The following ADSS2 variants were observed in gnomAD, a reference collection of about 807,000 sequenced individuals.
ADSS2 encodes adenylosuccinate synthase 2, also known as adenylosuccinate synthetase isozyme 2.
Under a neutral mutation model 60.0 loss-of-function variants are expected in ADSS2, and 30 were observed. That is an observed-to-expected ratio of 0.50 (90% CI 0.37 to 0.68). The LOEUF is 0.68. Among genes scored for constraint, ADSS2 ranks in the 30% least tolerant of loss-of-function variants. ADSS2 has a pLI of 0.00. For missense variants in ADSS2, 373 were observed against 554.8 expected (o/e 0.67, Z 3.29); for synonymous variants, 187 against 193.1 (o/e 0.97, Z 0.26).
intron 1 of ADSS2, among the ~76,000 whole-genome samples, chr1:244,438,785 T>C (rs1162958026): frequency 6.6e-6 from 1 of 152,214 alleles, no homozygotes; most frequent in Non-Finnish European, 1.5e-5. Context: ...TGCCACGTAG[T>C]ATTACATACA....
Position 244,420,282 on chromosome 1 carries a change from C to T in ADSS2, c.678G>A (p.Lys226=), listed in dbSNP as rs566693557. 8.1e-6 allele frequency: 13 copies of T among 1,612,822 alleles called. No homozygotes were observed. The East Asian group carries it at 8.9e-5, about 11-fold the overall frequency. Residue 226 remains lysine (K), a synonymous_variant, in exon 8 of 13, where the codon AAG becomes AAA. Coordinates refer to ENST00000366535, the MANE Select transcript of ADSS2 (RefSeq NM_001126.5). ...CTCCATCTCTCACCATTGGTTTAATCTTTTCCATATAACCCTATACACAAA... is the reference window on the plus strand; with the variant it reads ...CTCCATCTCTCACCATTGGTTTAATTTTTTCCATATAACCCTATACACAAA... ...ELQKLKGYME[K]IKPMVRDGVY...
Position 244,410,129 on chromosome 1 carries a change from C to A in ADSS2, c.1319-491G>T, listed in dbSNP as rs187586260. On this transcript the variant is annotated intron_variant, in intron 12 of 12. Coordinates refer to ENST00000366535, the MANE Select transcript of ADSS2 (RefSeq NM_001126.5). The stretch of plus-strand genomic sequence containing the variant: ...ATAAGGTACTGTTAGGATCAACCTT[C>A]GTGGTATTTTACAGATTTTTGTTAG... Among the ~76,000 whole-genome samples, 101 of 152,256 alleles carry A rather than the reference C, an allele frequency of 6.6e-4. 1 individual carries two copies. Among genetic ancestry groups the A allele is most frequent in the African/African-American group, 2.3e-3 (97 of 41,556 alleles).
chr1:244,417,851 A>G, intron 9 of ADSS2, 99 bp from the exon 10 acceptor site: 2 of 1,165,674 alleles, frequency 1.7e-6, no homozygotes, highest in East Asian at 5.0e-5. Flanking sequence ...TCTTTGAGAT[A>G]AACATCTTTC....
rs1181918891 is a variant in ADSS2, at chr1:244,437,607, TA to T, written c.286+58del. On this transcript the variant is annotated intron_variant, in intron 2 of 12. Coordinates refer to ENST00000366535, the MANE Select transcript of ADSS2 (RefSeq NM_001126.5). ...TGAAAACAGTTTTGACAATAAAAAA[TA>T]AACGCCATTATCAACTGGTGGGGGG... is the stretch of plus-strand genomic sequence containing the variant. 2.5e-6 allele frequency: 3 copies of T among 1,202,056 alleles called. No homozygotes were observed. The African/African-American group carries it at 4.5e-5, about 18-fold the overall frequency. The allele number at this position is 1,202,056 out of a possible 1,614,324, so 74.5% of individuals were successfully genotyped here. A position where few individuals can be genotyped will look rare whatever the true frequency, so the allele number is the denominator to read the frequency against.
chr1:244,414,685 T>C lies in ADSS2; in HGVS notation c.1168+1296A>G, dbSNP rs555275951. 2.6e-5 allele frequency among the ~76,000 whole-genome samples: 4 copies of C among 152,346 alleles called. No individual in the cohort carries two copies. The Middle Eastern group carries it at 0.01, about 389-fold the overall frequency. On this transcript the variant is annotated intron_variant, in intron 11 of 12. Transcript: ENST00000366535. ...TACAGGAGCTATTCCCAGAAGGCTG[T>C]CAACTTATTTTACCCTCTTTAAGCA...
At chr1:244,444,630 A>G (rs1665341516) in intron 1 of ADSS2, among the ~76,000 whole-genome samples, 1 of 151,884 alleles carries the variant, frequency 6.6e-6, no homozygotes. Context: ...GAACATCATG[A>G]TAGAAACAAA....
chr1:244,448,406 A>G (rs1665446413), intron 1 of ADSS2, among the ~76,000 whole-genome samples: 1 of 152,212 alleles, frequency 6.6e-6, no homozygotes, highest in Non-Finnish European at 1.5e-5. Context: ...TTTTATAAAC[A>G]TATATCAAGT....
Position 244,418,799 on chromosome 1 carries a change from A to G in ADSS2, c.906T>C (p.Thr302=). The G allele has an allele frequency of 2.5e-6, 4 of 1,613,952 alleles. No homozygotes were observed. The highest frequency in any genetic ancestry group is 3.4e-6 in the Non-Finnish European group (4 of 1,179,940). The change falls in exon 9 of 13, where the codon ACT becomes ACC. Residue 302 remains threonine (T), a synonymous_variant. Transcript: ENST00000366535. The part of the protein sequence containing the change: ...EVYGVVKAYT[T]RVGIGAFPTE... ...TAGGAAAGGCACCAATACCAACTCT[A>G]GTTGTATAAGCTTTCACAACTCCAT...
chr1:244,450,504 C>T (rs141127804), intron 1 of ADSS2, among the ~76,000 whole-genome samples: 1 of 152,278 alleles, frequency 6.6e-6, no homozygotes, highest in Admixed American at 6.5e-5. Context: ...TCTGCATGCT[C>T]AAAATGGTAT....
Position 244,417,824 on chromosome 1 carries a change from G to C in ADSS2, c.946-72C>G, listed in dbSNP as rs151085249. 272 of 1,424,246 alleles carry C rather than the reference G, an allele frequency of 1.9e-4. 2 individuals are homozygous for C. In the African/African-American group the frequency reaches 3.2e-3, roughly 17 times the overall value. 88.2% of individuals were successfully genotyped at this position (1,424,246 alleles called of 1,614,324 possible). A position where few individuals can be genotyped will look rare whatever the true frequency, so the allele number is the denominator to read the frequency against. On this transcript the variant is annotated intron_variant, in intron 9 of 12. Coordinates refer to ENST00000366535, the MANE Select transcript of ADSS2 (RefSeq NM_001126.5). ...ATATCTGGTGGAATAATATATGCTA[G>C]AGATCATAGCAAAGCCTCTTTGAGA...
chr1:244,412,766 C>A (rs1215897417), intron 11 of ADSS2, among the ~76,000 whole-genome samples: 1 of 152,136 alleles, frequency 6.6e-6, no homozygotes, highest in Non-Finnish European at 1.5e-5. Flanking sequence ...AAAAGTGGGG[C>A]CCTGAGACTG....
At chr1:244,437,620 C>CA in intron 2 of ADSS2, 46 bp downstream of exon 2, 1 of 1,310,872 alleles carries the variant, frequency 7.6e-7, no homozygotes, top group Non-Finnish European at 1.1e-6. Context: ...ACGCCATTAT[C>CA]AACTGGTGGG....
chr1:244,422,537 T>C (rs1664701307), intron 7 of ADSS2, among the ~76,000 whole-genome samples: 1 of 152,210 alleles, frequency 6.6e-6, no homozygotes, highest in South Asian at 2.1e-4. Context: ...CTAGTCTCCT[T>C]TCTGTTCAAA....
intron 7 of ADSS2, among the ~76,000 whole-genome samples, chr1:244,422,156 G>A (rs1229813868): frequency 2.0e-5 from 3 of 152,042 alleles, no homozygotes; most frequent in African/African-American, 7.3e-5. Flanking sequence ...ATTCTAGAAT[G>A]GCATATGAGG....
At chr1:244,423,021 C>A in intron 6 of ADSS2, 105 bp from the exon 7 acceptor site, 2 of 678,094 alleles carry the variant, frequency 2.9e-6, no homozygotes, top group Non-Finnish European at 2.4e-6. Flanking sequence ...ATCTTAACAG[C>A]AAATTAATCC....
At chr1:244,416,258 T>C (rs989674017) in intron 10 of ADSS2, among the ~76,000 whole-genome samples, 180 bp from the exon 11 acceptor site, 2 of 152,226 alleles carry the variant, frequency 1.3e-5, no homozygotes, top group Non-Finnish European at 2.9e-5. Context: ...GAGGACAATA[T>C]ACACTGAGTT....
At chr1:244,433,609 G>A (rs1196747843) in intron 3 of ADSS2, among the ~76,000 whole-genome samples, 1 of 152,108 alleles carries the variant, frequency 6.6e-6, no homozygotes, top group Non-Finnish European at 1.5e-5. Context: ...TGTAATCCCA[G>A]CACTTTGGGA....
At chr1:244,441,817 G>A (rs767368587) in intron 1 of ADSS2, among the ~76,000 whole-genome samples, 22 of 151,936 alleles carry the variant, frequency 1.4e-4, no homozygotes, top group Non-Finnish European at 2.2e-4. Context: ...TTAGCCAGGC[G>A]TGGTGGCACG....
intron 4 of ADSS2, among the ~76,000 whole-genome samples, chr1:244,425,609 T>C (rs945842555): frequency 3.3e-5 from 5 of 152,170 alleles, no homozygotes; most frequent in Non-Finnish European, 5.9e-5. Flanking sequence ...TGTACTCTTC[T>C]CTAATTCCCT....
Sources: allele counts gnomAD v4.1 joint callset (sites outside exome capture counted in the v4.1 genomes callset), GRCh38; gene constraint gnomAD v4.1.1; transcripts MANE v1.5; gene names NCBI Gene and HGNC (gene_info 2026-07-23, HGNC 2026-07-21).